RBFOX1: variants seen among roughly 807,000 people sequenced by gnomAD.
The protein encoded by RBFOX1 is RNA binding protein fox-1 homolog 1.
A neutral mutation model predicts 57.7 loss-of-function variants in RBFOX1; 8 were observed. The observed-to-expected ratio is 0.14, with a 90% CI of 0.08 to 0.25. RBFOX1 has a LOEUF of 0.25. Among genes scored for constraint, RBFOX1 ranks in the 10% least tolerant of loss-of-function variants. The probability of loss-of-function intolerance (pLI) is 1.00; values close to 1 mark genes in which losing one functional copy is unlikely to be tolerated. For missense variants in RBFOX1, 611 were observed against 548.5 expected, an observed-to-expected ratio of 1.11 and a Z score of -1.14; for synonymous variants, 326 against 222.4, an observed-to-expected ratio of 1.47 and a Z score of -4.15.
intron 3 of RBFOX1, among the ~76,000 whole-genome samples, chr16:5,770,364 G>A (rs890457954): frequency 2.6e-5 from 4 of 152,116 alleles, no homozygotes; most frequent in African/African-American, 9.7e-5. Context: ...TCCCATCAGT[G>A]ACATAAGTTT....
chr16:7,572,459 A>C (rs945521628), intron 5 of RBFOX1, among the ~76,000 whole-genome samples: 1 of 152,044 alleles, frequency 6.6e-6, no homozygotes, highest in East Asian at 1.9e-4. Context: ...TTTTGTTCCA[A>C]CTCACGGGTA....
At chr16:5,411,103 T>C (rs1320860380) in intron 1 of RBFOX1, among the ~76,000 whole-genome samples, 1 of 152,186 alleles carries the variant, frequency 6.6e-6, no homozygotes, top group African/African-American at 2.4e-5. Context: ...GTATTTTGCA[T>C]GTGGGATAGA....
intron 2 of RBFOX1, among the ~76,000 whole-genome samples, chr16:6,615,693 G>C (rs1013862443): frequency 3.3e-5 from 5 of 152,230 alleles, no homozygotes; most frequent in Non-Finnish European, 7.4e-5. Context: ...TCCCTCTCCA[G>C]GAGAACATCA....
At chr16:7,236,726 C>T (rs111387239) in intron 4 of RBFOX1, among the ~76,000 whole-genome samples, 4,783 of 151,992 alleles carry the variant, frequency 0.031, 92 homozygotes, top group Middle Eastern at 0.068. Context: ...ACTGCAAGCA[C>T]GCACCAGCCT....
At chr16:7,275,637 A>C (rs12445208) in intron 4 of RBFOX1, among the ~76,000 whole-genome samples, 20,122 of 150,774 alleles carry the variant, frequency 0.13, 1,667 homozygotes, top group Middle Eastern at 0.28. Flanking sequence ...TGTGCAAATG[A>C]TGAGCTTATC....
At chr16:5,633,262 T>C (rs568590106) in intron 3 of RBFOX1, among the ~76,000 whole-genome samples, 24 of 152,200 alleles carry the variant, frequency 1.6e-4, no homozygotes, top group African/African-American at 5.3e-4. Context: ...TCAGTGCAAG[T>C]TGGAACATTT....
At chr16:6,431,321 A>G (rs980507305) in intron 2 of RBFOX1, among the ~76,000 whole-genome samples, 4 of 151,968 alleles carry the variant, frequency 2.6e-5, no homozygotes, top group African/African-American at 9.7e-5. Context: ...TGCTTCTAGC[A>G]TAGGTGAGGC....
intron 2 of RBFOX1, among the ~76,000 whole-genome samples, chr16:6,531,649 A>G (rs117634490): frequency 2.5e-4 from 38 of 152,290 alleles, no homozygotes; most frequent in Non-Finnish European, 4.7e-4. Flanking sequence ...TTCTCGGAGC[A>G]TATGTTGTCT....
chr16:5,725,559 A>G (rs541008957), intron 3 of RBFOX1, among the ~76,000 whole-genome samples: 4 of 151,732 alleles, frequency 2.6e-5, no homozygotes, highest in Non-Finnish European at 5.9e-5. Context: ...CACTGCACCC[A>G]GCTCATAGCT....
At chr16:5,309,750 A>T (rs1328041762) in intron 1 of RBFOX1, among the ~76,000 whole-genome samples, 1 of 152,214 alleles carries the variant, frequency 6.6e-6, no homozygotes, top group East Asian at 1.9e-4. Flanking sequence ...TTTATAAGGA[A>T]TGAAATCCAA....
chr16:6,979,804 C>T (rs1161171732), intron 3 of RBFOX1, among the ~76,000 whole-genome samples: 2 of 152,142 alleles, frequency 1.3e-5, no homozygotes, highest in East Asian at 3.9e-4. Context: ...CCCTTTTCTC[C>T]TGCCTACAGA....
intron 4 of RBFOX1, among the ~76,000 whole-genome samples, chr16:7,138,698 C>T (rs1440421111): frequency 1.3e-5 from 2 of 152,168 alleles, no homozygotes; most frequent in East Asian, 1.9e-4. Context: ...CCTTCATCAT[C>T]TCCCAGATAT....
chr16:6,164,169 C>T (rs540068716), intron 1 of RBFOX1, among the ~76,000 whole-genome samples: 1 of 152,188 alleles, frequency 6.6e-6, no homozygotes, highest in Non-Finnish European at 1.5e-5. Flanking sequence ...CCAAAGACTA[C>T]ACTGCAGAAG....
chr16:6,896,231 C>A (rs1051099408), intron 3 of RBFOX1, among the ~76,000 whole-genome samples: 11 of 152,168 alleles, frequency 7.2e-5, no homozygotes, highest in African/African-American at 2.7e-4. Flanking sequence ...AGAGATCATG[C>A]CACTGCACTG....
chr16:6,282,158 A>C (rs2076444063), intron 1 of RBFOX1, among the ~76,000 whole-genome samples: 1 of 152,120 alleles, frequency 6.6e-6, no homozygotes, highest in Non-Finnish European at 1.5e-5. Flanking sequence ...ATTCACAAGT[A>C]TTGACTGTTT....
intron 4 of RBFOX1, among the ~76,000 whole-genome samples, chr16:7,218,821 T>A (rs2092483043): frequency 6.6e-6 from 1 of 152,052 alleles, no homozygotes; most frequent in Non-Finnish European, 1.5e-5. Flanking sequence ...TCTAGAAGTA[T>A]CAGAAGTTGC....
At chr16:6,938,514 A>T (rs926227191) in intron 3 of RBFOX1, among the ~76,000 whole-genome samples, 2 of 152,326 alleles carry the variant, frequency 1.3e-5, no homozygotes, top group East Asian at 3.9e-4. Flanking sequence ...ATAAGGATTA[A>T]ATAAGGTAAA....
At chr16:6,595,033 C>T (rs76474660) in intron 2 of RBFOX1, among the ~76,000 whole-genome samples, 42 of 152,254 alleles carry the variant, frequency 2.8e-4, no homozygotes, top group Admixed American at 1.0e-3. Context: ...GTTATCCACC[C>T]GCCTCTGCCT....
intron 2 of RBFOX1, among the ~76,000 whole-genome samples, chr16:5,538,082 A>T (rs1352149): frequency 0.42 from 64,251 of 151,832 alleles, 14,004 homozygotes; most frequent in African/African-American, 0.45. Flanking sequence ...TCATATCCTG[A>T]CCCCAAAGGC....
Sources: gnomAD v4.1 joint callset for allele counts (sites outside exome capture counted in the v4.1 genomes callset) on GRCh38, gnomAD v4.1.1 for gene constraint, MANE v1.5 for transcripts, NCBI Gene and HGNC (gene_info 2026-07-23, HGNC 2026-07-21) for gene names.